MFSD2A: variants seen among roughly 807,000 people sequenced by gnomAD.
The protein encoded by MFSD2A is sodium-dependent lysophosphatidylcholine symporter 1.
MFSD2A carries 27 observed loss-of-function variants against 64.7 expected under a neutral mutation model. The observed-to-expected ratio is 0.42, with a 90% CI of 0.31 to 0.58. MFSD2A has a LOEUF of 0.58. MFSD2A is among the 20% of genes least tolerant of loss of function. The pLI, the probability that MFSD2A is intolerant of heterozygous loss-of-function variation, is 0.18. For synonymous variants in MFSD2A, 258 were observed against 273.4 expected (o/e 0.94, Z 0.55); for missense variants, 474 against 679.5 (o/e 0.70, Z 3.36).
Position 39,959,754 on chromosome 1 carries a change from A to C in MFSD2A, c.353+929A>C, listed in dbSNP as rs559063887. On this transcript the variant is annotated intron_variant, in intron 3 of 13. Transcript: ENST00000372811. ...ACTTCATAAGGTTGATGTAATTTTGAGACTTAAATAAGTTGATACTAAAAT... is the reference window on the plus strand; with the variant it reads ...ACTTCATAAGGTTGATGTAATTTTGCGACTTAAATAAGTTGATACTAAAAT... Among the ~76,000 whole-genome samples, 11 of 152,200 alleles carry C rather than the reference A, an allele frequency of 7.2e-5. No homozygotes were observed. The South Asian group carries it at 2.3e-3, about 32-fold the overall frequency.
At chr1:39,967,780 A>T in intron 10 of MFSD2A, 24 bp from the exon 11 acceptor site, 1 of 1,610,460 alleles carries the variant, frequency 6.2e-7, no homozygotes, top group Non-Finnish European at 8.5e-7. Flanking sequence ...CAGCTGATTC[A>T]TCTTCCTGCA....
Position 39,963,135 on chromosome 1 carries a change from C to G in MFSD2A, c.354-2076C>G. 2 of 1,388,874 alleles carry G rather than the reference C, an allele frequency of 1.4e-6. No individual in the cohort carries two copies. Among genetic ancestry groups the G allele is most frequent in the South Asian group, 2.4e-5 (2 of 84,504 alleles). 86.0% of individuals were successfully genotyped at this position (1,388,874 alleles called of 1,614,324 possible). The stretch of plus-strand genomic sequence containing the variant: ...CGGCTCTGTGCTGGTGCGTCTCATC[C>G]CTGCACCCAGGAGCACTGGCATCGT... On this transcript the variant is annotated intron_variant, in intron 3 of 13. Transcript: ENST00000372811. The surrounding 1 kb of genome is among the most constrained non-coding windows in gnomAD (Gnocchi z 4.2).
Position 39,960,136 on chromosome 1 carries a change from T to TCAGATC in MFSD2A, c.353+1311_353+1312insCAGATC. On this transcript the variant is annotated intron_variant, in intron 3 of 13. Coordinates refer to ENST00000372811, the MANE Select transcript of MFSD2A (RefSeq NM_032793.5). This position sits in a 1 kb window ranked among gnomAD's most constrained non-coding sequence, Gnocchi z 4.8. Reference sequence around the variant, plus strand: ...GCTTCAGGGGCAAAGTAGGCGGAGGTGGTGCCACGGATCGGATCAGACGGC... The same window carrying TCAGATC: ...GCTTCAGGGGCAAAGTAGGCGGAGGTCAGATCGGTGCCACGGATCGGATCAGACGGC... Among the ~76,000 whole-genome samples, 1 of 152,150 alleles carries TCAGATC rather than the reference T, an allele frequency of 6.6e-6. No individual in the cohort carries two copies. The highest frequency in any genetic ancestry group is 1.5e-5 in the Non-Finnish European group (1 of 68,030).
chr1:39,957,271 A>G, intron 2 of MFSD2A, 50 bp downstream of exon 2: 1 of 1,507,714 alleles, frequency 6.6e-7, no homozygotes, highest in Non-Finnish European at 8.9e-7. Flanking sequence ...GAGGTGGGAA[A>G]GACTATGCAC....
Position 39,967,865 on chromosome 1 carries a change from C to T in MFSD2A, c.1157C>T (p.Ala386Val), listed in dbSNP as rs139973362. Residue 386 changes from alanine (A) to valine (V), a missense_variant, in exon 11 of 14, where the codon GCG becomes GTG. Physicochemically the swap from Ala to Val is moderately conservative, Grantham distance 64. Coordinates refer to ENST00000372811, the MANE Select transcript of MFSD2A (RefSeq NM_032793.5). ...LMESNLIITYAVAVAAGISVA... is the reference protein window; with the variant it reads ...LMESNLIITYVVAVAAGISVA... ...GAGAGTAACCTCATCATTACATATG[C>T]GGTAGCTGTGGCAGCTGGCATCAGT... 2.9e-4 allele frequency: 470 copies of T among 1,613,798 alleles called. No individual in the cohort carries two copies. Among genetic ancestry groups the T allele is most frequent in the Non-Finnish European group, 3.8e-4 (446 of 1,179,802 alleles).
rs1427764829 is a variant in MFSD2A, at chr1:39,955,592, G to A, written c.93+207G>A. 1.4e-6 allele frequency: 1 copy of A among 694,024 alleles called. No homozygotes were observed. The highest frequency in any genetic ancestry group is 2.7e-5 in the East Asian group (1 of 36,736). 43.0% of individuals were successfully genotyped at this position (694,024 alleles called of 1,614,324 possible). On this transcript the variant is annotated intron_variant, in intron 1 of 13. Transcript: ENST00000372811. This position sits in a 1 kb window ranked among gnomAD's most constrained non-coding sequence, Gnocchi z 5.9. ...CGCCCTCGCCCCCCTTTGCTCACCC[G>A]CACTCCACGCTCTGCGGAGAGGCTC...
At chr1:39,961,595 C>T (rs771337736) in intron 3 of MFSD2A, among the ~76,000 whole-genome samples, 1 of 152,144 alleles carries the variant, frequency 6.6e-6, no homozygotes, top group Non-Finnish European at 1.5e-5. Context: ...GATCTGCCCG[C>T]CTCGGCCTCC....
Position 39,965,668 on chromosome 1 carries a change from T to C in MFSD2A, c.556+119T>C. The C allele has an allele frequency of 7.8e-7, 1 of 1,275,466 alleles. No individual in the cohort carries two copies. Among genetic ancestry groups the C allele is most frequent in the Admixed American group, 1.9e-5 (1 of 53,368 alleles). 79.0% of individuals were successfully genotyped at this position (1,275,466 alleles called of 1,614,324 possible). A position where few individuals can be genotyped will look rare whatever the true frequency, so the allele number is the denominator to read the frequency against. ...TGTGGGTGTGAAACCATCTTAAAAA[T>C]AACTCAATCCCCTTATTGCTCAGAT... On this transcript the variant is annotated intron_variant, in intron 5 of 13. Coordinates refer to ENST00000372811, the MANE Select transcript of MFSD2A (RefSeq NM_032793.5). The surrounding 1 kb of genome is among the most constrained non-coding windows in gnomAD (Gnocchi z 5.5).
rs1363579026 is a variant in MFSD2A at position 39,968,221 on chromosome 1, C to T, written c.1209-113C>T. On this transcript the variant is annotated intron_variant, in intron 11 of 13. Coordinates refer to ENST00000372811, the MANE Select transcript of MFSD2A (RefSeq NM_032793.5). The surrounding 1 kb of genome is among the most constrained non-coding windows in gnomAD (Gnocchi z 4.4). ...CTTATTCATGTGAAGGTCCCATATC[C>T]TCACTGAGCTGTGTACCCATGGTAC... 1.3e-5 allele frequency: 16 copies of T among 1,277,808 alleles called. No homozygotes were observed. Among genetic ancestry groups the T allele is most frequent in the Non-Finnish European group, 1.6e-5 (14 of 902,752 alleles). 79.2% of individuals were successfully genotyped at this position (1,277,808 alleles called of 1,614,324 possible).
In MFSD2A at chr1:39,967,115, C is replaced by T. The variant is rs115573796; in HGVS notation, c.957C>T (p.Cys319=). Reference sequence around the variant, plus strand: ...TGGAGGGGAACTTTGTCTTGTTTTGCACCTACACCTTGGGCTTCCGCAATG... The same window carrying T: ...TGGAGGGGAACTTTGTCTTGTTTTGTACCTACACCTTGGGCTTCCGCAATG... The part of the protein sequence containing the change: ...MLVEGNFVLF[C]TYTLGFRNEF... The change falls in exon 9 of 14, where the codon TGC becomes TGT. Residue 319 remains cysteine, a synonymous_variant. Coordinates refer to ENST00000372811, the MANE Select transcript of MFSD2A (RefSeq NM_032793.5). The T allele has an allele frequency of 3.2e-5, 52 of 1,614,094 alleles. No individual in the cohort carries two copies. The African/African-American group carries it at 6.8e-4, about 21-fold the overall frequency.
At chr1:39,969,062 T>G (rs1238231770) in intron 13 of MFSD2A, among the ~76,000 whole-genome samples, 1 of 152,216 alleles carries the variant, frequency 6.6e-6, no homozygotes, top group Non-Finnish European at 1.5e-5. Flanking sequence ...TATCAGGTTC[T>G]TAGGGTTCCC....
In MFSD2A at chr1:39,966,654, T is replaced by C. The variant is rs1248828645; in HGVS notation, c.768T>C (p.Cys256=). The C allele has an allele frequency of 3.1e-6, 5 of 1,613,932 alleles. No individual in the cohort carries two copies. In the Admixed American group the frequency reaches 6.7e-5, roughly 22 times the overall value. ...AGVIVCIYII[C]AVILILGVRE... ...TCATTGTCTGTATCTATATAATCTG[T>C]GCTGTCATCCTGATCCTGGGCGTGC... is the stretch of plus-strand genomic sequence containing the variant. Residue 256 remains cysteine, a synonymous_variant, in exon 7 of 14, where the codon TGT becomes TGC. Coordinates refer to ENST00000372811, the MANE Select transcript of MFSD2A (RefSeq NM_032793.5).
chr1:39,955,803 T>G lies in MFSD2A; in HGVS notation c.93+418T>G, dbSNP rs1644914972. ...ACCTACTCTTGCGCCTCAACTCTGCTGTTAGGGCCGCTCAAGTTCATTCAT... is the reference window on the plus strand; with the variant it reads ...ACCTACTCTTGCGCCTCAACTCTGCGGTTAGGGCCGCTCAAGTTCATTCAT... On this transcript the variant is annotated intron_variant, in intron 1 of 13. Transcript: ENST00000372811. This position sits in a 1 kb window ranked among gnomAD's most constrained non-coding sequence, Gnocchi z 5.9. 1 of 362,062 alleles carries G rather than the reference T, an allele frequency of 2.8e-6. No homozygotes were observed. Among genetic ancestry groups the G allele is most frequent in the Non-Finnish European group, 5.4e-6 (1 of 184,612 alleles). The allele number at this position is 362,062 out of a possible 1,614,324, so 22.4% of individuals were successfully genotyped here.
In MFSD2A at chr1:39,960,209, C is replaced by G. The variant is rs1009279869; in HGVS notation, c.353+1384C>G. 1.3e-5 allele frequency among the ~76,000 whole-genome samples: 2 copies of G among 152,218 alleles called. No individual in the cohort carries two copies. The highest frequency in any genetic ancestry group is 4.8e-5 in the African/African-American group (2 of 41,458). ...TGTCAGGCGGGGGCTCTGGTTCCCT[C>G]CAGGACATCCTGCTTCAGGGTGTGG... On this transcript the variant is annotated intron_variant, in intron 3 of 13. Transcript: ENST00000372811. The surrounding 1 kb of genome is among the most constrained non-coding windows in gnomAD (Gnocchi z 4.8).
In MFSD2A at chr1:39,963,493, A is replaced by C; in HGVS notation, c.354-1718A>C. ...AGTCTTGCTATGTTGCACAGGCTGG[A>C]CTCAAACTCCTGGGGAAAAGCAATC... is the stretch of plus-strand genomic sequence containing the variant. On this transcript the variant is annotated intron_variant, in intron 3 of 13. Transcript: ENST00000372811. This position sits in a 1 kb window ranked among gnomAD's most constrained non-coding sequence, Gnocchi z 4.2. The C allele has an allele frequency of 2.2e-6, 1 of 462,050 alleles. No individual in the cohort carries two copies. 28.6% of individuals were successfully genotyped at this position (462,050 alleles called of 1,614,324 possible).
intron 6 of MFSD2A, among the ~76,000 whole-genome samples, chr1:39,966,269 C>T (rs1360554532): frequency 2.0e-5 from 3 of 152,186 alleles, no homozygotes; most frequent in Non-Finnish European, 2.9e-5. Flanking sequence ...GGCTGTCAGA[C>T]TCTGCAGCCT....
rs185466340 is a variant in MFSD2A at position 39,968,010 on chromosome 1, A to G, written c.1208+94A>G. On this transcript the variant is annotated intron_variant, in intron 11 of 13. Coordinates refer to ENST00000372811, the MANE Select transcript of MFSD2A (RefSeq NM_032793.5). The surrounding 1 kb of genome is among the most constrained non-coding windows in gnomAD (Gnocchi z 4.4). The stretch of plus-strand genomic sequence containing the variant: ...GGAGAGTTCTATGCAGTGTTCTCCC[A>G]CAGGCCATTCTGTGGGTCCAGGTTA... 6.8e-5 allele frequency: 53 copies of G among 774,888 alleles called. No homozygotes were observed. In the African/African-American group the frequency reaches 7.5e-4, roughly 11 times the overall value. The allele number at this position is 774,888 out of a possible 1,614,324, so 48.0% of individuals were successfully genotyped here.
At position 39,955,431 on chromosome 1, in the gene MFSD2A, C is replaced by A. The variant is rs769842030; in HGVS notation, c.93+46C>A. On this transcript the variant is annotated intron_variant, in intron 1 of 13. Coordinates refer to ENST00000372811, the MANE Select transcript of MFSD2A (RefSeq NM_032793.5). The surrounding 1 kb of genome is among the most constrained non-coding windows in gnomAD (Gnocchi z 5.9). ...GTGGAGGGCGAGGGGAGGGAGGAGG[C>A]GGAAATGGGGGATCAGGGGCGTCCC... 11 of 1,492,828 alleles carry A rather than the reference C, an allele frequency of 7.4e-6. No homozygotes were observed. The South Asian group carries it at 1.3e-4, about 18-fold the overall frequency. The allele number at this position is 1,492,828 out of a possible 1,614,324, so 92.5% of individuals were successfully genotyped here.
At position 39,968,031 on chromosome 1, in the gene MFSD2A, G is replaced by A. The variant is rs371914025; in HGVS notation, c.1208+115G>A. The A allele has an allele frequency of 8.8e-6, 6 of 685,572 alleles. No homozygotes were observed. The highest frequency in any genetic ancestry group is 3.6e-5 in the African/African-American group (2 of 55,682). The allele number at this position is 685,572 out of a possible 1,614,324, so 42.5% of individuals were successfully genotyped here. On this transcript the variant is annotated intron_variant, in intron 11 of 13. Transcript: ENST00000372811. The surrounding 1 kb of genome is among the most constrained non-coding windows in gnomAD (Gnocchi z 4.4). ...TCCCACAGGCCATTCTGTGGGTCCA[G>A]GTTAGGAGTGGGGGAGGTCTGTCCT...
Sources: gnomAD v4.1 joint callset for allele counts (sites outside exome capture counted in the v4.1 genomes callset) on GRCh38, gnomAD v4.1.1 for gene constraint, Gnocchi (gnomAD v3.1) non-coding constraint, MANE v1.5 for transcripts, NCBI Gene and HGNC (gene_info 2026-07-23, HGNC 2026-07-21) for gene names.